The following ZCWPW2 variants were observed in gnomAD, a reference collection of about 807,000 sequenced individuals.
The protein encoded by ZCWPW2 is zinc finger CW-type and PWWP domain containing 2, also known as zinc finger CW-type PWWP domain protein 2.
ZCWPW2 carries 45 observed loss-of-function variants against 46.6 expected under a neutral mutation model. That is an observed-to-expected ratio of 0.96 (90% confidence interval 0.76 to 1.24). The LOEUF (loss-of-function observed/expected upper bound fraction) is 1.24, where lower values mean the gene tolerates loss of function less well. ZCWPW2 is among the 50% of genes most tolerant of loss of function. The pLI is 0.00. For synonymous variants in ZCWPW2, 152 were observed against 137.1 expected, an observed-to-expected ratio of 1.11 and a Z score of -0.76; for missense variants, 429 against 403.9, an observed-to-expected ratio of 1.06 and a Z score of -0.53.
intron 4 of ZCWPW2, among the ~76,000 whole-genome samples, chr3:28,439,624 C>A (rs1206464482): frequency 6.6e-6 from 1 of 152,120 alleles, no homozygotes; most frequent in Non-Finnish European, 1.5e-5. Flanking sequence ...CAAATAAAGA[C>A]AATAATGAGA....
At chr3:28,401,589 A>G (rs1480291417) in intron 2 of ZCWPW2, among the ~76,000 whole-genome samples, 1 of 152,236 alleles carries the variant, frequency 6.6e-6, no homozygotes, top group Admixed American at 6.5e-5. Flanking sequence ...AAATGGACTT[A>G]ACAGATTTAT....
intron 8 of ZCWPW2, among the ~76,000 whole-genome samples, chr3:28,518,060 T>C (rs13087540): frequency 0.69 from 102,473 of 147,756 alleles, 35,271 homozygotes; most frequent in Admixed American, 0.76. Context: ...TTCTTGAACC[T>C]GGGAGGTGGG....
chr3:28,462,049 A>G (rs1698658400), intron 4 of ZCWPW2, among the ~76,000 whole-genome samples: 1 of 151,996 alleles, frequency 6.6e-6, no homozygotes, highest in Non-Finnish European at 1.5e-5. Context: ...ACATTCTCAT[A>G]TGTCAGGGGA....
At chr3:28,447,925 TC>T in intron 4 of ZCWPW2, 1 of 788,958 alleles carries the variant, frequency 1.3e-6, no homozygotes, top group Non-Finnish European at 2.2e-6. Context: ...TATGAGATTG[TC>T]CAAAACAAAA....
At chr3:28,436,743 GTCA>G (rs1488573963) in intron 4 of ZCWPW2, among the ~76,000 whole-genome samples, 5 of 152,144 alleles carry the variant, frequency 3.3e-5, no homozygotes, top group African/African-American at 1.2e-4. Context: ...TTGTGATCCA[GTCA>G]TCGTTATACG....
At chr3:28,447,268 C>T (rs1575145429) in intron 4 of ZCWPW2, among the ~76,000 whole-genome samples, 1 of 151,954 alleles carries the variant, frequency 6.6e-6, no homozygotes, top group Non-Finnish European at 1.5e-5. Flanking sequence ...AAAATACTAA[C>T]AAACTTAATT....
chr3:28,369,252 G>A (rs898907183), intron 1 of ZCWPW2, among the ~76,000 whole-genome samples: 16 of 152,030 alleles, frequency 1.1e-4, no homozygotes, highest in Non-Finnish European at 1.5e-4. Context: ...TAGAGTTTCC[G>A]GTTTTTCTGC....
intron 5 of ZCWPW2, among the ~76,000 whole-genome samples, chr3:28,484,954 T>A (rs1197785643): frequency 6.6e-6 from 1 of 152,168 alleles, no homozygotes; most frequent in African/African-American, 2.4e-5. Flanking sequence ...GGATTTAGCC[T>A]GTTCTTTTTC....
chr3:28,385,879 A>T (rs1357207604), intron 1 of ZCWPW2, among the ~76,000 whole-genome samples: 1 of 151,442 alleles, frequency 6.6e-6, no homozygotes, highest in African/African-American at 2.4e-5. Flanking sequence ...AGTGAGATTA[A>T]CGTAACCTTT....
At chr3:28,515,715 C>CTG (rs10539082) in intron 8 of ZCWPW2, 94 bp downstream of exon 8, 122,125 of 662,024 alleles carry the variant, frequency 0.18, 4,713 homozygotes, top group Admixed American at 0.25. Context: ...AAAAGATTTC[C>CTG]TGTGTGTGTG....
intron 2 of ZCWPW2, among the ~76,000 whole-genome samples, chr3:28,396,494 C>T (rs1351161812): frequency 6.6e-6 from 1 of 152,054 alleles, no homozygotes; most frequent in Non-Finnish European, 1.5e-5. Flanking sequence ...TTCAGTATTG[C>T]AGTCTTATAA....
chr3:28,413,113 T>G lies in ZCWPW2; in HGVS notation c.45T>G (p.Tyr15Ter). 6.2e-7 allele frequency: 1 copy of G among 1,612,842 alleles called. No homozygotes were observed. Among genetic ancestry groups the G allele is most frequent in the African/African-American group, 1.3e-5 (1 of 74,996 alleles). ...ATGTTAAGATTGAATATTGTAACTATGCAATGGATTCCTCAGTGGAAAACA... is the reference window on the plus strand; with the variant it reads ...ATGTTAAGATTGAATATTGTAACTAGGCAATGGATTCCTCAGTGGAAAACA... ...KLDVKIEYCN[Y>*]AMDSSVENMY... The change falls in exon 3 of 10, where the codon TAT becomes TAG. Residue 15 changes from tyrosine to a stop codon, truncating the protein, a stop_gained. Coordinates refer to ENST00000383768, the MANE Select transcript of ZCWPW2 (RefSeq NM_001040432.4). LOFTEE classifies it high-confidence loss of function.
intron 3 of ZCWPW2, 110 bp downstream of exon 3, chr3:28,413,510 A>G (rs1696492967): frequency 1.0e-6 from 1 of 954,818 alleles, no homozygotes; most frequent in South Asian, 2.2e-5. Context: ...TTGTTTCTTG[A>G]TTTATCATTG....
chr3:28,463,674 T>C (rs944113343), intron 4 of ZCWPW2, among the ~76,000 whole-genome samples: 8 of 151,866 alleles, frequency 5.3e-5, no homozygotes. Context: ...TATAAAAGGG[T>C]GGAGGTTGAA....
chr3:28,351,470 C>G (rs887463663), intron 1 of ZCWPW2: 4 of 151,608 alleles, frequency 2.6e-5, no homozygotes, highest in African/African-American at 7.3e-5. Context: ...CTGACTGTAG[C>G]TTAGCCTTTT....
At chr3:28,440,874 G>T (rs1040618823) in intron 4 of ZCWPW2, among the ~76,000 whole-genome samples, 1 of 152,190 alleles carries the variant, frequency 6.6e-6, no homozygotes, top group Non-Finnish European at 1.5e-5. Flanking sequence ...CTTTTCCATG[G>T]TGATAGAGGT....
At chr3:28,364,233 A>C (rs1436618588) in intron 1 of ZCWPW2, among the ~76,000 whole-genome samples, 1 of 152,220 alleles carries the variant, frequency 6.6e-6, no homozygotes, top group African/African-American at 2.4e-5. Flanking sequence ...TCTATTATGT[A>C]TGACCCAGCA....
chr3:28,506,427 G>C (rs1490791918), intron 6 of ZCWPW2, among the ~76,000 whole-genome samples: 3 of 152,010 alleles, frequency 2.0e-5, no homozygotes, highest in Non-Finnish European at 4.4e-5. Context: ...ACTCTGAATA[G>C]TACTAGGCTA....
chr3:28,355,574 G>A (rs1030663533), intron 1 of ZCWPW2, among the ~76,000 whole-genome samples: 2 of 152,330 alleles, frequency 1.3e-5, no homozygotes, highest in African/African-American at 2.4e-5. Flanking sequence ...AAAGCTGGAG[G>A]CATCACACTA....
Sources: gnomAD v4.1 joint callset for allele counts (sites outside exome capture counted in the v4.1 genomes callset) on GRCh38, gnomAD v4.1.1 for gene constraint, MANE v1.5 for transcripts, NCBI Gene and HGNC (gene_info 2026-07-23, HGNC 2026-07-21) for gene names.